PCDH15: variants seen among roughly 807,000 people sequenced by gnomAD.
PCDH15 encodes protocadherin related 15.
In PCDH15, 129 loss-of-function variants were observed where a neutral mutation model predicts 178.5. The ratio of observed to expected loss-of-function variants is 0.72; its 90% CI spans 0.63 to 0.84. The LOEUF is 0.84. Ranked by LOEUF, PCDH15 falls within the 40% of genes least tolerant of loss-of-function variation. The probability of loss-of-function intolerance (pLI) is 0.00; values close to 1 mark genes in which losing one functional copy is unlikely to be tolerated. For missense variants in PCDH15, 2,230 were observed against 2,099.9 expected (o/e 1.06, Z -1.21); for synonymous variants, 800 against 732.0 (o/e 1.09, Z -1.50).
chr10:55,228,618 T>G (rs1257262278), intron 1 of PCDH15, among the ~76,000 whole-genome samples: 1 of 151,994 alleles, frequency 6.6e-6, no homozygotes, highest in Non-Finnish European at 1.5e-5. Context: ...AATCTCATAT[T>G]TCAATTCAGT....
intron 3 of PCDH15, among the ~76,000 whole-genome samples, chr10:54,865,550 A>T (rs939089270): frequency 6.6e-6 from 1 of 152,144 alleles, no homozygotes; most frequent in African/African-American, 2.4e-5. Context: ...CCTCACTATC[A>T]GCAGAACAGC....
chr10:55,489,246 G>T (rs996511951), intron 2 of PCDH15, among the ~76,000 whole-genome samples: 1 of 151,400 alleles, frequency 6.6e-6, no homozygotes, highest in Non-Finnish European at 1.5e-5. Flanking sequence ...TCTAAAAATT[G>T]TCATTTAAAT....
intron 8 of PCDH15, among the ~76,000 whole-genome samples, chr10:54,306,077 A>G (rs2060449808): frequency 6.6e-6 from 1 of 151,950 alleles, no homozygotes; most frequent in African/African-American, 2.4e-5. Context: ...CTATTTTTCA[A>G]TGCCATTCTG....
At chr10:54,994,867 G>T (rs920622452) in intron 2 of PCDH15, among the ~76,000 whole-genome samples, 1 of 152,038 alleles carries the variant, frequency 6.6e-6, no homozygotes, top group Non-Finnish European at 1.5e-5. Flanking sequence ...CATTTCTACA[G>T]ATTATATGTG....
intron 16 of PCDH15, among the ~76,000 whole-genome samples, chr10:54,086,155 C>T (rs2094513007): frequency 6.6e-6 from 1 of 152,050 alleles, no homozygotes; most frequent in African/African-American, 2.4e-5. Flanking sequence ...AGCATACTGC[C>T]AGCATCTGCT....
At chr10:55,408,289 G>A (rs758780142) in intron 2 of PCDH15, among the ~76,000 whole-genome samples, 65 of 151,670 alleles carry the variant, frequency 4.3e-4, no homozygotes, top group Non-Finnish European at 8.2e-4. Context: ...GGGTTCAAGC[G>A]ATTCTTCTGC....
intron 14 of PCDH15, among the ~76,000 whole-genome samples, chr10:54,149,190 C>A (rs1417453743): frequency 1.3e-5 from 2 of 152,072 alleles, no homozygotes; most frequent in African/African-American, 4.8e-5. Context: ...AGTTCCCCAT[C>A]AATAACCCCA....
chr10:54,115,828 T>C (rs1564455092), intron 15 of PCDH15, among the ~76,000 whole-genome samples: 1 of 152,188 alleles, frequency 6.6e-6, no homozygotes, highest in Admixed American at 6.5e-5. Context: ...GATGTTTCTT[T>C]AGTAACCAAA....
chr10:55,579,076 G>A (rs1000461519), intron 2 of PCDH15, among the ~76,000 whole-genome samples: 5 of 151,928 alleles, frequency 3.3e-5, no homozygotes, highest in African/African-American at 9.7e-5. Context: ...AAACTTTTGT[G>A]GTTTTGGAAC....
At chr10:54,184,153 T>A (rs2048268367) in intron 12 of PCDH15, among the ~76,000 whole-genome samples, 1 of 152,170 alleles carries the variant, frequency 6.6e-6, no homozygotes, top group Non-Finnish European at 1.5e-5. Flanking sequence ...TAATGTACAT[T>A]ATCAAGATTT....
At chr10:54,374,276 G>A (rs1948095880) in intron 4 of PCDH15, among the ~76,000 whole-genome samples, 1 of 152,052 alleles carries the variant, frequency 6.6e-6, no homozygotes, top group Admixed American at 6.6e-5. Flanking sequence ...GCCTGGGCAG[G>A]GGAGTCAAGC....
intron 8 of PCDH15, among the ~76,000 whole-genome samples, chr10:54,261,575 C>G (rs1039900614): frequency 1.3e-5 from 2 of 151,898 alleles, no homozygotes; most frequent in African/African-American, 2.4e-5. Flanking sequence ...AGATTTGTAC[C>G]TGATAACCTG....
chr10:54,599,905 GA>G, intron 2 of PCDH15: 1 of 750,242 alleles, frequency 1.3e-6, no homozygotes, highest in South Asian at 1.5e-5. Flanking sequence ...GAAAGTTGAG[GA>G]AAAGAGTGAG....
rs538439640 is a variant in PCDH15 at position 54,274,707 on chromosome 10, T to C, written c.877-37776A>G. On this transcript the variant is annotated intron_variant, in intron 8 of 37. Transcript: ENST00000644397. ...TAATAACCCTAGAATGACTGACGTG[T>C]TCGTATTATGCAATTTTTTATTTTT... Among the ~76,000 whole-genome samples, 262 of 151,846 alleles carry C rather than the reference T, an allele frequency of 1.7e-3. 1 individual carries two copies. Among genetic ancestry groups the C allele is most frequent in the African/African-American group, 6.1e-3 (253 of 41,470 alleles).
At chr10:54,345,630 T>C (rs1943111146) in intron 6 of PCDH15, among the ~76,000 whole-genome samples, 1 of 151,342 alleles carries the variant, frequency 6.6e-6, no homozygotes, top group Admixed American at 6.6e-5. Flanking sequence ...AGAAATCTTC[T>C]TGTCTATTTG....
chr10:55,277,054 T>C (rs1463664714), intron 1 of PCDH15, among the ~76,000 whole-genome samples: 1 of 152,110 alleles, frequency 6.6e-6, no homozygotes, highest in Non-Finnish European at 1.5e-5. Context: ...AGCTCTTACA[T>C]TTATTTAAAA....
intron 1 of PCDH15, among the ~76,000 whole-genome samples, chr10:55,184,335 T>A (rs1370437874): frequency 1.3e-5 from 2 of 151,996 alleles, no homozygotes; most frequent in Non-Finnish European, 2.9e-5. Flanking sequence ...GTGTGAGGAC[T>A]CACTACAAAG....
intron 3 of PCDH15, among the ~76,000 whole-genome samples, chr10:54,510,357 A>G (rs1236086279): frequency 3.3e-5 from 5 of 152,206 alleles, no homozygotes. Context: ...GTACTTGAAC[A>G]TAATTGGAGC....
At chr10:55,350,257 A>ATATATATATATATG (rs1233086885) in intron 2 of PCDH15, among the ~76,000 whole-genome samples, 1 of 67,098 alleles carries the variant, frequency 1.5e-5, no homozygotes, top group East Asian at 3.6e-4. Flanking sequence ...ATATATATAT[A>ATATATATATATATG]TATATATATA....
Sources: allele counts gnomAD v4.1 joint callset (sites outside exome capture counted in the v4.1 genomes callset), GRCh38; gene constraint gnomAD v4.1.1; transcripts MANE v1.5; gene names NCBI Gene and HGNC (gene_info 2026-07-23, HGNC 2026-07-21).